PCDH7: variants seen among roughly 807,000 people sequenced by gnomAD.
PCDH7 encodes the protein protocadherin-7.
A neutral mutation model predicts 58.9 loss-of-function variants in PCDH7; 17 were observed. The ratio of observed to expected loss-of-function variants is 0.29; its 90% confidence interval spans 0.20 to 0.43. PCDH7 has a LOEUF of 0.43. Ranked by LOEUF, PCDH7 falls within the 20% of genes least tolerant of loss-of-function variation. PCDH7 has a pLI of 1.00. For missense variants in PCDH7, 1,274 were observed against 1,441.0 expected, an observed-to-expected ratio of 0.88 and a Z score of 1.88; for synonymous variants, 664 against 616.4, an observed-to-expected ratio of 1.08 and a Z score of -1.14.
intron 1 of PCDH7, among the ~76,000 whole-genome samples, chr4:30,760,135 C>T (rs921675175): frequency 2.6e-5 from 4 of 152,066 alleles, no homozygotes; most frequent in African/African-American, 9.7e-5. Context: ...AGGTTAGTAT[C>T]CCCCAGTGTT....
chr4:31,007,530 T>G (rs1247123630), intron 3 of PCDH7, among the ~76,000 whole-genome samples: 1 of 152,040 alleles, frequency 6.6e-6, no homozygotes, highest in Non-Finnish European at 1.5e-5. Context: ...TTGTTGAATT[T>G]TTCTGAAAGT....
At chr4:30,874,738 T>G (rs1392318128) in intron 1 of PCDH7, among the ~76,000 whole-genome samples, 1 of 151,924 alleles carries the variant, frequency 6.6e-6, no homozygotes, top group Admixed American at 6.6e-5. Flanking sequence ...AAAGATAGCA[T>G]TATTATTCAT....
intron 1 of PCDH7, among the ~76,000 whole-genome samples, chr4:30,831,486 A>G (rs1729772860): frequency 6.6e-6 from 1 of 152,174 alleles, no homozygotes; most frequent in African/African-American, 2.4e-5. Flanking sequence ...TCTTAGGCAC[A>G]AATTCTCAGA....
intron 1 of PCDH7, among the ~76,000 whole-genome samples, chr4:30,832,288 T>A (rs1450381958): frequency 6.6e-6 from 1 of 152,338 alleles, no homozygotes; most frequent in East Asian, 1.9e-4. Context: ...GAATGGTGCC[T>A]AATTTTTAGA....
chr4:30,736,545 T>A (rs993990061), downstream of PCDH7, among the ~76,000 whole-genome samples: 1 of 149,466 alleles, frequency 6.7e-6, no homozygotes, highest in African/African-American at 2.5e-5. Flanking sequence ...ATTTTTTTTT[T>A]TTTTTTTTGA....
chr4:30,902,763 T>C (rs1578229063), intron 1 of PCDH7, among the ~76,000 whole-genome samples: 1 of 152,126 alleles, frequency 6.6e-6, no homozygotes, highest in Non-Finnish European at 1.5e-5. Flanking sequence ...TAGATATGGC[T>C]CACCAAGTCT....
chr4:31,092,094 C>T (rs956371141), intron 3 of PCDH7, among the ~76,000 whole-genome samples: 3 of 151,508 alleles, frequency 2.0e-5, no homozygotes, highest in Non-Finnish European at 2.9e-5. Flanking sequence ...TGAAGAAGTG[C>T]CTGGTACAAT....
chr4:31,087,163 C>A (rs1480622653), intron 3 of PCDH7, among the ~76,000 whole-genome samples: 1 of 152,118 alleles, frequency 6.6e-6, no homozygotes, highest in African/African-American at 2.4e-5. Context: ...AATAAACATA[C>A]AGCAGGTAGT....
At chr4:30,824,103 C>CTTTCTTTCTTTCTTTCTTTCTTTT (rs1728752366) in intron 1 of PCDH7, among the ~76,000 whole-genome samples, 1 of 128,686 alleles carries the variant, frequency 7.8e-6, no homozygotes, top group African/African-American at 3.0e-5. Flanking sequence ...TTCTTTCTTT[C>CTTTCTTTCTTTCTTTCTTTCTTTT]TTTCTTTCTT....
intron 3 of PCDH7, among the ~76,000 whole-genome samples, chr4:30,993,738 GA>G (rs1440058754): frequency 1.3e-5 from 2 of 151,576 alleles, no homozygotes; most frequent in African/African-American, 4.8e-5. Flanking sequence ...CTTCAATTTA[GA>G]TTTTTTTTTT....
At chr4:30,994,506 G>A (rs1042187460) in intron 3 of PCDH7, among the ~76,000 whole-genome samples, 4 of 152,138 alleles carry the variant, frequency 2.6e-5, no homozygotes, top group African/African-American at 9.7e-5. Context: ...AATTTGAAAA[G>A]ATAGGTGATA....
chr4:30,743,832 A>G (rs2166717), intron 1 of PCDH7, among the ~76,000 whole-genome samples: 132,894 of 152,130 alleles, frequency 0.87, 58,491 homozygotes, highest in African/African-American at 0.96. Context: ...AGTTTGGTGA[A>G]CATTGAAACT....
intron 3 of PCDH7, among the ~76,000 whole-genome samples, chr4:31,043,097 G>A (rs1383780185): frequency 6.6e-6 from 1 of 151,824 alleles, no homozygotes; most frequent in Non-Finnish European, 1.5e-5. Context: ...TTTTTTCATG[G>A]GGGCAGAGCT....
intron 1 of PCDH7, among the ~76,000 whole-genome samples, chr4:30,779,764 G>A (rs1722551664): frequency 6.6e-6 from 1 of 152,024 alleles, no homozygotes; most frequent in Non-Finnish European, 1.5e-5. Flanking sequence ...TCAATCACCT[G>A]GAAATACTTT....
exon 2 of PCDH7, chr4:30,732,217 C>G (rs1715607255): frequency 6.6e-6 from 1 of 152,122 alleles, no homozygotes; most frequent in Non-Finnish European, 1.5e-5. Flanking sequence ...CTTAATTATC[C>G]TCAACCTCTC....
chr4:31,110,772 G>A (rs1416789764), intron 3 of PCDH7, among the ~76,000 whole-genome samples: 1 of 151,866 alleles, frequency 6.6e-6, no homozygotes, highest in Non-Finnish European at 1.5e-5. Context: ...AAAATTAGCC[G>A]GGCATGGTGG....
At chr4:31,054,240 A>G (rs1048267383) in intron 3 of PCDH7, among the ~76,000 whole-genome samples, 7 of 152,220 alleles carry the variant, frequency 4.6e-5, no homozygotes, top group African/African-American at 1.7e-4. Flanking sequence ...TGCTGGGCTT[A>G]CTGGCTTAAG....
intron 3 of PCDH7, among the ~76,000 whole-genome samples, chr4:31,114,635 AC>A (rs1259529640): frequency 1.4e-5 from 1 of 72,700 alleles, no homozygotes; most frequent in Non-Finnish European, 2.9e-5. Flanking sequence ...ACATACAAAC[AC>A]ACACACACAC....
intron 1 of PCDH7, among the ~76,000 whole-genome samples, chr4:30,728,625 G>A (rs916794227): frequency 2.6e-5 from 4 of 151,588 alleles, no homozygotes; most frequent in Non-Finnish European, 4.4e-5. Flanking sequence ...GATTTGATCC[G>A]CAATGAATTT....
Sources: allele counts gnomAD v4.1 joint callset (sites outside exome capture counted in the v4.1 genomes callset), GRCh38; gene constraint gnomAD v4.1.1; transcripts MANE v1.5; gene names NCBI Gene and HGNC (gene_info 2026-07-23, HGNC 2026-07-21).